GLI3: variants seen among roughly 807,000 people sequenced by gnomAD.
GLI3 encodes transcription activator GLI3.
GLI3 carries 20 observed loss-of-function variants against 100.8 expected under a neutral mutation model. The observed-to-expected ratio is 0.20, with a 90% CI of 0.14 to 0.29. GLI3 has a LOEUF of 0.29. Among genes scored for constraint, GLI3 ranks in the 10% least tolerant of loss-of-function variants. The pLI is 1.00. For synonymous variants in GLI3, 938 were observed against 860.5 expected, an observed-to-expected ratio of 1.09 and a Z score of -1.58; for missense variants, 2,040 against 2,128.5, an observed-to-expected ratio of 0.96 and a Z score of 0.82.
At chr7:42,144,457 AC>A (rs1302818237) in intron 3 of GLI3, among the ~76,000 whole-genome samples, 1 of 151,044 alleles carries the variant, frequency 6.6e-6, no homozygotes, top group African/African-American at 2.4e-5. Flanking sequence ...ATGAGAGAAT[AC>A]CCCCGTATCC....
chr7:42,082,560 T>C (rs1249207056), intron 3 of GLI3, among the ~76,000 whole-genome samples: 3 of 152,130 alleles, frequency 2.0e-5, no homozygotes, highest in Non-Finnish European at 4.4e-5. Context: ...GCTGAGGACT[T>C]GCTGGGCAGA....
In GLI3 at chr7:42,061,811, G is replaced by A. The variant is rs776481802; in HGVS notation, c.474-13115C>T. Reference sequence around the variant, plus strand: ...AACAATTTGTCTATATTATTCAACAGAAAAGCAGCATCAACTTCTACATAA... The same window carrying A: ...AACAATTTGTCTATATTATTCAACAAAAAAGCAGCATCAACTTCTACATAA... On this transcript the variant is annotated intron_variant, in intron 4 of 14. Transcript: ENST00000395925. Among the ~76,000 whole-genome samples, 4 of 152,298 alleles carry A rather than the reference G, an allele frequency of 2.6e-5. No individual in the cohort carries two copies. The South Asian group carries it at 8.3e-4, about 32-fold the overall frequency.
chr7:42,004,961 A>C (rs2128723133), intron 10 of GLI3, among the ~76,000 whole-genome samples: 1 of 152,342 alleles, frequency 6.6e-6, no homozygotes, highest in Non-Finnish European at 1.5e-5. Context: ...GGAACAAAGA[A>C]TTTTACACAA....
intron 6 of GLI3, among the ~76,000 whole-genome samples, chr7:42,042,606 T>C (rs1784168553): frequency 6.6e-6 from 1 of 152,192 alleles, no homozygotes. Context: ...TCTCTAATGT[T>C]TTAGATCACT....
At chr7:42,188,002 C>CAAA (rs56140906) in intron 2 of GLI3, among the ~76,000 whole-genome samples, 7 of 85,302 alleles carry the variant, frequency 8.2e-5, no homozygotes, top group Non-Finnish European at 1.5e-4. Context: ...GACTCCATCT[C>CAAA]AAAAAAAAAA....
chr7:42,195,066 C>T (rs1343069505), intron 2 of GLI3, among the ~76,000 whole-genome samples: 1 of 152,090 alleles, frequency 6.6e-6, no homozygotes, highest in East Asian at 1.9e-4. Context: ...TGTGCCTGGC[C>T]TCTAATGCGT....
intron 2 of GLI3, among the ~76,000 whole-genome samples, chr7:42,212,116 T>C (rs1788284603): frequency 6.6e-6 from 1 of 152,242 alleles, no homozygotes; most frequent in African/African-American, 2.4e-5. Context: ...TCTTGCTTTT[T>C]ATTTTTTCCT....
intron 3 of GLI3, among the ~76,000 whole-genome samples, chr7:42,126,708 G>T (rs1786141590): frequency 6.6e-6 from 1 of 152,134 alleles, no homozygotes; most frequent in Non-Finnish European, 1.5e-5. Context: ...CTTATATCAT[G>T]GTCTTGTGTT....
At chr7:42,056,554 T>C (rs996080415) in intron 4 of GLI3, among the ~76,000 whole-genome samples, 7 of 152,216 alleles carry the variant, frequency 4.6e-5, no homozygotes, top group African/African-American at 1.7e-4. Flanking sequence ...GAATATTTTC[T>C]TACATGGAGA....
At chr7:42,079,341 G>A (rs1784950968) in intron 3 of GLI3, among the ~76,000 whole-genome samples, 1 of 152,122 alleles carries the variant, frequency 6.6e-6, no homozygotes, top group African/African-American at 2.4e-5. Context: ...ATTAAGTGGG[G>A]TCATCTTTTG....
At chr7:42,138,294 A>C (rs535204468) in intron 3 of GLI3, among the ~76,000 whole-genome samples, 8 of 152,338 alleles carry the variant, frequency 5.3e-5, no homozygotes, top group Admixed American at 5.2e-4. Context: ...CCAATTGTTC[A>C]CTATCTCCCA....
intron 3 of GLI3, among the ~76,000 whole-genome samples, chr7:42,146,656 T>C (rs1554333733): frequency 6.6e-6 from 1 of 152,054 alleles, no homozygotes; most frequent in Non-Finnish European, 1.5e-5. Flanking sequence ...TGGCTAAGAG[T>C]CTAGCCTGAA....
At chr7:42,152,563 C>T (rs1052161958) in intron 2 of GLI3, 10 of 260,014 alleles carry the variant, frequency 3.8e-5, no homozygotes, top group Non-Finnish European at 4.8e-5. Context: ...TTTCTGAGTG[C>T]TTCCGAGTGA....
chr7:42,040,192 GT>G lies in GLI3; in HGVS notation c.873del (p.Lys291AsnfsTer19). 6.2e-7 allele frequency: 1 copy of G among 1,614,008 alleles called. No homozygotes were observed. Among genetic ancestry groups the G allele is most frequent in the Non-Finnish European group, 8.5e-7 (1 of 1,179,896 alleles). On this transcript the variant is annotated frameshift_variant, in exon 7 of 15. Transcript: ENST00000395925. LOFTEE classifies it high-confidence loss of function. ...GAGAGTGGTGATATGGACAGTGTACGTTTTCGGCTCGGCCTGGCTGACAGCC... is the reference window on the plus strand; with the variant it reads ...GAGAGTGGTGATATGGACAGTGTACGTTTCGGCTCGGCCTGGCTGACAGCC... ...SPRLSARPSR[K>X]RTLSISPLSD...
Position 42,207,810 on chromosome 7 carries a change from G to T in GLI3, c.124+15320C>A, listed in dbSNP as rs538543518. On this transcript the variant is annotated intron_variant, in intron 2 of 14. Transcript: ENST00000395925. ...TGGTGAGATTCCAGGCCAGCTTCGT[G>T]TTTTTCTTTTATGCTTTTCTGAATT... Among the ~76,000 whole-genome samples, 16 of 152,240 alleles carry T rather than the reference G, an allele frequency of 1.1e-4. No individual in the cohort carries two copies. In the East Asian group the frequency reaches 1.7e-3, roughly 17 times the overall value.
At position 42,128,094 on chromosome 7, in the gene GLI3, G is replaced by C. The variant is rs1786180928; in HGVS notation, c.367+20132C>G. Among the ~76,000 whole-genome samples the C allele has an allele frequency of 2.0e-5, 3 of 150,890 alleles. No individual in the cohort carries two copies. In the South Asian group the frequency reaches 6.3e-4, roughly 32 times the overall value. On this transcript the variant is annotated intron_variant, in intron 3 of 14. Coordinates refer to ENST00000395925, the MANE Select transcript of GLI3 (RefSeq NM_000168.6). The stretch of plus-strand genomic sequence containing the variant: ...GGTGCCAATCAAGTATCTTCAAATA[G>C]ACTTAATATGCAATAAAAAAATAAA...
At chr7:41,982,090 G>A (rs989953207) in intron 10 of GLI3, among the ~76,000 whole-genome samples, 3 of 152,168 alleles carry the variant, frequency 2.0e-5, no homozygotes, top group African/African-American at 4.8e-5. Context: ...CCTTAGACCC[G>A]AGTCCCAACT....
chr7:41,994,642 G>A (rs990125130), intron 10 of GLI3, among the ~76,000 whole-genome samples: 1 of 152,136 alleles, frequency 6.6e-6, no homozygotes, highest in Non-Finnish European at 1.5e-5. Context: ...TCTTGAATTT[G>A]AGCCATTTCT....
intron 2 of GLI3, 136 bp downstream of exon 2, chr7:42,222,994 G>C: frequency 4.5e-5 from 35 of 780,482 alleles, no homozygotes; most frequent in Non-Finnish European, 7.0e-5. Context: ...CCGTCCCCCC[G>C]CCCCTGCTCC....
Sources: gnomAD v4.1 joint callset for allele counts (sites outside exome capture counted in the v4.1 genomes callset) on GRCh38, gnomAD v4.1.1 for gene constraint, MANE v1.5 for transcripts, NCBI Gene and HGNC (gene_info 2026-07-23, HGNC 2026-07-21) for gene names.